Variants in WNK1 observed in about 807,000 individuals in gnomAD.
The protein encoded by WNK1 is WNK lysine deficient protein kinase 1.
In WNK1, 38 loss-of-function variants were observed where a neutral mutation model predicts 222.8. That is an observed-to-expected ratio of 0.17 (90% CI 0.13 to 0.22). The LOEUF (loss-of-function observed/expected upper bound fraction) is 0.22. WNK1 is among the 10% of genes least tolerant of loss of function. WNK1 has a pLI of 1.00. For missense variants in WNK1, 2,348 were observed against 2,918.4 expected (o/e 0.80, Z 4.50); for synonymous variants, 1,090 against 1,092.9 (o/e 1.00, Z 0.05).
intron 4 of WNK1, among the ~76,000 whole-genome samples, chr12:851,131 T>C (rs1299743865): frequency 2.6e-5 from 4 of 152,182 alleles, no homozygotes; most frequent in Non-Finnish European, 5.9e-5. Flanking sequence ...GCAAACATAG[T>C]ATGTGATGGA....
chr12:879,396 T>C (rs535282294), intron 10 of WNK1, among the ~76,000 whole-genome samples, 177 bp from the exon 11 acceptor site: 2 of 151,688 alleles, frequency 1.3e-5, no homozygotes, highest in Non-Finnish European at 2.9e-5. Flanking sequence ...CATATTCTTA[T>C]GTGGCATATT....
In WNK1 at chr12:884,538, A is replaced by T. The variant is rs1006942568; in HGVS notation, c.3845-111A>T. The T allele has an allele frequency of 1.7e-6, 2 of 1,161,196 alleles. No individual in the cohort carries two copies. The highest frequency in any genetic ancestry group is 2.6e-5 in the South Asian group (2 of 76,910). The allele number at this position is 1,161,196 out of a possible 1,614,324, so 71.9% of individuals were successfully genotyped here. A position where few individuals can be genotyped will look rare whatever the true frequency, so the allele number is the denominator to read the frequency against. Reference sequence around the variant, plus strand: ...TGTCTATGTTTTAAGATTACTCCATATTTTTTATCAAAAACAGATATTTAT... The same window carrying T: ...TGTCTATGTTTTAAGATTACTCCATTTTTTTTATCAAAAACAGATATTTAT... On this transcript the variant is annotated intron_variant, in intron 18 of 27. Transcript: ENST00000315939. This position sits in a 1 kb window ranked among gnomAD's most constrained non-coding sequence, Gnocchi z 5.6.
At chr12:907,633 T>A in intron 26 of WNK1, 1 of 621,682 alleles carries the variant, frequency 1.6e-6, no homozygotes. Context: ...TGTTCAGCCT[T>A]AGCAGCAGCT....
intron 1 of WNK1, among the ~76,000 whole-genome samples, chr12:781,550 T>G (rs547531733): frequency 6.6e-6 from 1 of 152,336 alleles, no homozygotes; most frequent in African/African-American, 2.4e-5. Context: ...GTGTGAAGTT[T>G]TATAATTGCT....
chr12:819,088 C>T (rs1240732280), intron 2 of WNK1, among the ~76,000 whole-genome samples: 2 of 152,122 alleles, frequency 1.3e-5, no homozygotes, highest in South Asian at 2.1e-4. Context: ...TTTGCATTTC[C>T]CTAATGATTA....
chr12:809,195 A>G (rs928106743), intron 1 of WNK1, among the ~76,000 whole-genome samples: 2 of 151,006 alleles, frequency 1.3e-5, no homozygotes, highest in African/African-American at 2.4e-5. Flanking sequence ...ACAACCAGGT[A>G]ACCAGATTTT....
chr12:843,426 AT>A (rs1448467522), intron 4 of WNK1, among the ~76,000 whole-genome samples: 1 of 152,254 alleles, frequency 6.6e-6, no homozygotes, highest in African/African-American at 2.4e-5. Context: ...TATCAATAAC[AT>A]TTTTATGACA....
chr12:826,925 T>A lies in WNK1; in HGVS notation c.933-117T>A. 5.1e-6 allele frequency: 4 copies of A among 779,548 alleles called. No homozygotes were observed. The South Asian group carries it at 6.4e-5, about 12-fold the overall frequency. The allele number at this position is 779,548 out of a possible 1,614,324, so 48.3% of individuals were successfully genotyped here. ...ATTATTAACCTTTAGTGTTACTGAA[T>A]CTTAGTATGCTAAATTTGATATTCC... On this transcript the variant is annotated intron_variant, in intron 2 of 27. Coordinates refer to ENST00000315939, the MANE Select transcript of WNK1 (RefSeq NM_018979.4).
chr12:842,965 TCTCG>T (rs1196326646), intron 4 of WNK1, among the ~76,000 whole-genome samples: 29 of 152,128 alleles, frequency 1.9e-4, no homozygotes, highest in Non-Finnish European at 2.9e-5. Context: ...AGACGGAGTC[TCTCG>T]CTGTCGCCCA....
At chr12:882,215 T>C in intron 14 of WNK1, 142 bp downstream of exon 14, 1 of 902,736 alleles carries the variant, frequency 1.1e-6, no homozygotes, top group Non-Finnish European at 1.7e-6. Flanking sequence ...TTTTTTTTTT[T>C]AGACGGAGTC....
intron 8 of WNK1, chr12:868,198 A>G (rs540929986): frequency 1.9e-6 from 3 of 1,613,640 alleles, no homozygotes; most frequent in Admixed American, 1.7e-5. Flanking sequence ...TGTTTGAACC[A>G]TCTCAAGTTT....
intron 1 of WNK1, among the ~76,000 whole-genome samples, chr12:784,453 T>C (rs1022719478): frequency 1.1e-4 from 17 of 152,200 alleles, no homozygotes; most frequent in Admixed American, 1.0e-3. Context: ...GATGTGATTG[T>C]CTTATTTTAT....
intron 1 of WNK1, among the ~76,000 whole-genome samples, chr12:792,227 TAGAG>T (rs1410834328): frequency 1.3e-5 from 2 of 151,750 alleles, no homozygotes; most frequent in African/African-American, 4.8e-5. Flanking sequence ...ATAAAGGTGA[TAGAG>T]AGATTGGCAC....
At chr12:786,991 A>G (rs985309590) in intron 1 of WNK1, among the ~76,000 whole-genome samples, 1 of 151,586 alleles carries the variant, frequency 6.6e-6, no homozygotes, top group African/African-American at 2.4e-5. Context: ...TATGTGTTTT[A>G]TTTCTGCCTT....
chr12:894,591 G>A lies in WNK1; in HGVS notation c.5539G>A (p.Ala1847Thr). The change falls in exon 23 of 28, where the codon GCA becomes ACA. Residue 1847 changes from alanine to threonine, a missense_variant. Physicochemically the swap from Ala to Thr is moderately conservative, Grantham distance 58. Coordinates refer to ENST00000315939, the MANE Select transcript of WNK1 (RefSeq NM_018979.4). The stretch of plus-strand genomic sequence containing the variant: ...TCAAGTCAAAGAAGGCCCTGTCCTA[G>A]CAACTAGTTCAGGAGCTGGTGTTTT... ...VSQVKEGPVLATSSGAGVFKM... is the reference protein window; with the variant it reads ...VSQVKEGPVLTTSSGAGVFKM... 6.2e-7 allele frequency: 1 copy of A among 1,614,036 alleles called. No homozygotes were observed. Among genetic ancestry groups the A allele is most frequent in the Non-Finnish European group, 8.5e-7 (1 of 1,179,958 alleles).
intron 2 of WNK1, among the ~76,000 whole-genome samples, chr12:820,119 A>G (rs983537912): frequency 6.6e-6 from 1 of 152,232 alleles, no homozygotes; most frequent in Admixed American, 6.5e-5. Context: ...GAATTTTGAC[A>G]GAAATTGTGT....
intron 1 of WNK1, among the ~76,000 whole-genome samples, chr12:785,430 T>C (rs1027549208): frequency 4.9e-5 from 6 of 121,588 alleles, no homozygotes; most frequent in African/African-American, 3.1e-5. Context: ...AGTGGAGTCT[T>C]GCTCTGTCAC....
intron 1 of WNK1, among the ~76,000 whole-genome samples, chr12:789,074 ATC>A (rs1944597909): frequency 6.6e-6 from 1 of 152,206 alleles, no homozygotes; most frequent in South Asian, 2.1e-4. Context: ...GCTACATTAC[ATC>A]TTTGTTGGTG....
chr12:871,027 G>A (rs1387533301), intron 8 of WNK1, among the ~76,000 whole-genome samples: 1 of 152,182 alleles, frequency 6.6e-6, no homozygotes, highest in Non-Finnish European at 1.5e-5. Flanking sequence ...GACAGCTTAG[G>A]TTTTCACTGT....
Sources: gnomAD v4.1 joint callset for allele counts (sites outside exome capture counted in the v4.1 genomes callset) on GRCh38, gnomAD v4.1.1 for gene constraint, Gnocchi (gnomAD v3.1) non-coding constraint, MANE v1.5 for transcripts, NCBI Gene and HGNC (gene_info 2026-07-23, HGNC 2026-07-21) for gene names.